The following DIAPH2 variants were observed in gnomAD, a reference collection of about 807,000 sequenced individuals.
DIAPH2 encodes diaphanous related formin 2.
DIAPH2 carries 35 observed loss-of-function variants against 92.7 expected under a neutral mutation model. That is an observed-to-expected ratio of 0.38 (90% CI 0.29 to 0.50). The LOEUF is 0.50. Among genes scored for constraint, DIAPH2 ranks in the 20% least tolerant of loss-of-function variants. The pLI is 0.94. For missense variants in DIAPH2, 701 were observed against 819.5 expected (o/e 0.86, Z 1.77); for synonymous variants, 301 against 280.4 (o/e 1.07, Z -0.73).
At chrX:97,516,666 TTGTC>T (rs1275740221) in intron 26 of DIAPH2, among the ~76,000 whole-genome samples, 3 of 112,089 alleles carry the variant, frequency 2.7e-5, no homozygotes, top group Non-Finnish European at 3.8e-5. Flanking sequence ...TTTCAGATAA[TTGTC>T]TGATTATACC....
At chrX:96,964,652 A>T (rs1212713693) in intron 16 of DIAPH2, among the ~76,000 whole-genome samples, 1 of 111,627 alleles carries the variant, frequency 9.0e-6, no homozygotes, top group Non-Finnish European at 1.9e-5. Flanking sequence ...ATATGCAAAT[A>T]ACTTAAGACA....
intron 1 of DIAPH2, among the ~76,000 whole-genome samples, chrX:96,726,071 A>C (rs1164179003): frequency 8.9e-6 from 1 of 112,360 alleles, no homozygotes; most frequent in Admixed American, 9.4e-5. Context: ...TACTCTATTT[A>C]ATACAAACAG....
intron 4 of DIAPH2, among the ~76,000 whole-genome samples, chrX:96,781,227 T>C (rs2064415710): frequency 8.9e-6 from 1 of 111,953 alleles, no homozygotes; most frequent in Non-Finnish European, 1.9e-5. Flanking sequence ...GCAGGTATAC[T>C]AAGCTGTAAA....
At position 96,686,765 on chromosome X, in the gene DIAPH2, C is replaced by G. The variant is rs932690366; in HGVS notation, c.132+1575C>G. On this transcript the variant is annotated intron_variant, in intron 1 of 26. Coordinates refer to ENST00000324765, the MANE Select transcript of DIAPH2 (RefSeq NM_006729.5). ...ACATTGTGGCACATTTTAAGGCAAG[C>G]AAGTTGACCAAACAGTAAGATTTAG... 2.7e-5 allele frequency among the ~76,000 whole-genome samples: 3 copies of G among 112,068 alleles called. No homozygotes were observed. The Admixed American group carries it at 2.8e-4, about 11-fold the overall frequency.
chrX:96,813,600 T>C (rs2064704882), intron 4 of DIAPH2, among the ~76,000 whole-genome samples: 2 of 111,511 alleles, frequency 1.8e-5, no homozygotes, highest in Admixed American at 1.9e-4. Context: ...CATTAGTTGA[T>C]GCAGTTTCTT....
intron 25 of DIAPH2, among the ~76,000 whole-genome samples, chrX:97,424,093 C>T (rs1048516400): frequency 3.6e-5 from 4 of 111,743 alleles, no homozygotes; most frequent in African/African-American, 1.3e-4. Flanking sequence ...TTTAGGAAGA[C>T]TAACTGAAAT....
At chrX:96,822,879 CAT>C (rs963257107) in intron 4 of DIAPH2, among the ~76,000 whole-genome samples, 15 of 111,844 alleles carry the variant, frequency 1.3e-4, no homozygotes, top group East Asian at 2.8e-4. Context: ...CAACATGAAA[CAT>C]GTGTATCCTA....
chrX:96,955,384 G>C (rs924634345), intron 15 of DIAPH2, among the ~76,000 whole-genome samples: 3 of 111,835 alleles, frequency 2.7e-5, no homozygotes, highest in Admixed American at 9.5e-5. Flanking sequence ...TTCAAGGTGA[G>C]ATTTAGATGG....
At chrX:97,119,339 G>C (rs1434169157) in intron 21 of DIAPH2, among the ~76,000 whole-genome samples, 1 of 111,311 alleles carries the variant, frequency 9.0e-6, no homozygotes, top group African/African-American at 3.3e-5. Flanking sequence ...TCTCTCTTCT[G>C]GGGTCTAGGC....
intron 22 of DIAPH2, among the ~76,000 whole-genome samples, chrX:97,183,599 A>G (rs2067557429): frequency 8.9e-6 from 1 of 112,280 alleles, no homozygotes; most frequent in Non-Finnish European, 1.9e-5. Context: ...AAATTTTAAT[A>G]TCACATGCAA....
intron 23 of DIAPH2, among the ~76,000 whole-genome samples, chrX:97,343,044 G>A (rs911451388): frequency 4.5e-5 from 5 of 111,709 alleles, no homozygotes; most frequent in Admixed American, 9.6e-5. Flanking sequence ...GATGGGTAGC[G>A]GACAAATCAT....
At chrX:97,023,335 G>C (rs1207593747) in intron 17 of DIAPH2, among the ~76,000 whole-genome samples, 1 of 111,188 alleles carries the variant, frequency 9.0e-6, no homozygotes, top group East Asian at 2.8e-4. Flanking sequence ...CCTATGAATT[G>C]ATTTAGATTA....
intron 23 of DIAPH2, among the ~76,000 whole-genome samples, chrX:97,287,234 G>T (rs1291279897): frequency 9.1e-6 from 1 of 110,358 alleles, no homozygotes; most frequent in Non-Finnish European, 1.9e-5. Context: ...TGAACCTGGA[G>T]GCAGAGGTTG....
intron 21 of DIAPH2, 97 bp downstream of exon 21, chrX:97,115,062 G>A: frequency 1.2e-6 from 1 of 842,343 alleles, no homozygotes; most frequent in Non-Finnish European, 1.6e-6. Flanking sequence ...CCACAAAATT[G>A]TATGCTTAAA....
chrX:96,998,816 A>G (rs904635509), intron 17 of DIAPH2, among the ~76,000 whole-genome samples: 4 of 111,921 alleles, frequency 3.6e-5, no homozygotes, highest in Non-Finnish European at 3.8e-5. Flanking sequence ...GATCTTGGGT[A>G]TGATGTCATA....
chrX:96,828,975 C>A (rs2064832737), intron 4 of DIAPH2, among the ~76,000 whole-genome samples: 1 of 111,693 alleles, frequency 9.0e-6, no homozygotes, highest in South Asian at 3.7e-4. Flanking sequence ...TATGTATTGT[C>A]AAAAAGTCCT....
intron 26 of DIAPH2, among the ~76,000 whole-genome samples, chrX:97,480,270 G>A (rs962525737): frequency 2.7e-5 from 3 of 111,789 alleles, no homozygotes; most frequent in Middle Eastern, 4.6e-3. Flanking sequence ...GGAGTGATGC[G>A]ACTGCCAAGG....
intron 21 of DIAPH2, among the ~76,000 whole-genome samples, chrX:97,131,884 T>G (rs779470353): frequency 8.9e-6 from 1 of 111,811 alleles, no homozygotes; most frequent in South Asian, 3.8e-4. Flanking sequence ...AACCAGTGAG[T>G]ACAAATGATG....
intron 25 of DIAPH2, among the ~76,000 whole-genome samples, chrX:97,416,610 A>G (rs771969241): frequency 3.8e-4 from 42 of 111,900 alleles, no homozygotes; most frequent in Non-Finnish European, 7.1e-4. Flanking sequence ...AATGGACACC[A>G]AGATACTAAA....
Sources: allele counts gnomAD v4.1 joint callset (sites outside exome capture counted in the v4.1 genomes callset), GRCh38; gene constraint gnomAD v4.1.1; transcripts MANE v1.5; gene names NCBI Gene and HGNC (gene_info 2026-07-23, HGNC 2026-07-21).